Variants in DOCK4 observed in about 807,000 individuals in gnomAD.
DOCK4 encodes the protein dedicator of cytokinesis protein 4.
A neutral mutation model predicts 268.1 loss-of-function variants in DOCK4; 97 were observed. The observed-to-expected ratio is 0.36, with a 90% CI of 0.31 to 0.43. The LOEUF (loss-of-function observed/expected upper bound fraction) is 0.43. Among genes scored for constraint, DOCK4 ranks in the 20% least tolerant of loss-of-function variants. The pLI, the probability that DOCK4 is intolerant of heterozygous loss-of-function variation, is 1.00. For missense variants in DOCK4, 2,145 were observed against 2,455.7 expected, an observed-to-expected ratio of 0.87 and a Z score of 2.67; for synonymous variants, 954 against 887.2, an observed-to-expected ratio of 1.08 and a Z score of -1.34.
At chr7:111,910,886 T>C (rs966404403) in intron 13 of DOCK4, among the ~76,000 whole-genome samples, 2 of 152,194 alleles carry the variant, frequency 1.3e-5, no homozygotes, top group African/African-American at 2.4e-5. Context: ...TCATGATGAC[T>C]CAGAAGCATA....
At chr7:111,905,059 C>T (rs1791449054) in intron 13 of DOCK4, among the ~76,000 whole-genome samples, 1 of 152,156 alleles carries the variant, frequency 6.6e-6, no homozygotes, top group South Asian at 2.1e-4. Flanking sequence ...TCTCCATGTG[C>T]CTCTCCCCAG....
At chr7:112,154,713 G>A (rs890374066) in intron 1 of DOCK4, among the ~76,000 whole-genome samples, 5 of 152,288 alleles carry the variant, frequency 3.3e-5, no homozygotes, top group Middle Eastern at 3.4e-3. Context: ...TTGACAAAGG[G>A]AAGACACTTC....
At chr7:111,759,736 A>G (rs994674658) in intron 40 of DOCK4, among the ~76,000 whole-genome samples, 5 of 133,570 alleles carry the variant, frequency 3.7e-5, no homozygotes, top group African/African-American at 1.4e-4. Context: ...CCCAAAAGAT[A>G]CTGGAGTAGC....
chr7:112,127,896 G>A (rs1022626841), intron 1 of DOCK4, among the ~76,000 whole-genome samples: 1 of 152,102 alleles, frequency 6.6e-6, no homozygotes, highest in Non-Finnish European at 1.5e-5. Flanking sequence ...GGGCATGGTG[G>A]TGCACACCTG....
intron 13 of DOCK4, 78 bp from the exon 14 acceptor site, chr7:111,901,879 T>A (rs1791181965): frequency 9.0e-7 from 1 of 1,115,136 alleles, no homozygotes; most frequent in African/African-American, 1.6e-5. Flanking sequence ...AGAAAAACTT[T>A]AGTTTATACA....
At chr7:111,937,558 G>A (rs1169504690) in intron 11 of DOCK4, among the ~76,000 whole-genome samples, 28 of 152,076 alleles carry the variant, frequency 1.8e-4, no homozygotes, top group Non-Finnish European at 4.4e-5. Context: ...GGTGATGATG[G>A]GACTGTCTGT....
At chr7:111,766,511 A>C (rs1489876036) in intron 38 of DOCK4, among the ~76,000 whole-genome samples, 3 of 152,178 alleles carry the variant, frequency 2.0e-5, no homozygotes, top group Non-Finnish European at 4.4e-5. Flanking sequence ...AGCAGATATA[A>C]AACATTTGGT....
intron 12 of DOCK4, among the ~76,000 whole-genome samples, chr7:111,935,071 C>A (rs553257383): frequency 3.3e-5 from 5 of 151,280 alleles, no homozygotes. Flanking sequence ...CTCAACCTCC[C>A]GAGTAGCTGG....
chr7:111,834,423 A>T (rs1321865712), intron 26 of DOCK4, among the ~76,000 whole-genome samples, 165 bp downstream of exon 26: 2 of 152,200 alleles, frequency 1.3e-5, no homozygotes, highest in Non-Finnish European at 2.9e-5. Context: ...AAATCTTTAA[A>T]AGCCAATATA....
intron 1 of DOCK4, among the ~76,000 whole-genome samples, chr7:112,161,962 A>G (rs1464257149): frequency 6.6e-6 from 1 of 152,174 alleles, no homozygotes; most frequent in Non-Finnish European, 1.5e-5. Context: ...AGATCTTAAG[A>G]TTTGGAGGAT....
intron 15 of DOCK4, among the ~76,000 whole-genome samples, chr7:111,896,913 G>A (rs1389805189): frequency 6.6e-6 from 1 of 152,002 alleles, no homozygotes; most frequent in East Asian, 1.9e-4. Context: ...AGAGAAACTG[G>A]AAAAATAATT....
intron 11 of DOCK4, 34 bp from the exon 12 acceptor site, chr7:111,935,662 T>C (rs781534631): frequency 3.2e-6 from 5 of 1,563,664 alleles, no homozygotes; most frequent in Non-Finnish European, 3.5e-6. Context: ...TAAGCTTTAA[T>C]GATGCATGCA....
At chr7:111,878,468 A>G (rs949735002) in intron 16 of DOCK4, among the ~76,000 whole-genome samples, 5 of 152,218 alleles carry the variant, frequency 3.3e-5, no homozygotes, top group African/African-American at 1.2e-4. Context: ...TGCACAAAGA[A>G]AAGCACTATC....
chr7:112,061,943 C>CT (rs1469767623), intron 1 of DOCK4, among the ~76,000 whole-genome samples: 2 of 152,098 alleles, frequency 1.3e-5, no homozygotes, highest in South Asian at 2.1e-4. Context: ...CATTATCTCA[C>CT]TTTTTTTATA....
intron 12 of DOCK4, among the ~76,000 whole-genome samples, chr7:111,923,187 A>G (rs778524187): frequency 6.6e-6 from 1 of 152,232 alleles, no homozygotes; most frequent in Non-Finnish European, 1.5e-5. Context: ...GAAATAATTT[A>G]AAGTATATGA....
At chr7:111,859,675 C>T (rs113506310) in intron 23 of DOCK4, among the ~76,000 whole-genome samples, 4,039 of 147,380 alleles carry the variant, frequency 0.027, 192 homozygotes, top group African/African-American at 0.095. Flanking sequence ...TCACGCCATT[C>T]TCCTGCCTCA....
intron 22 of DOCK4, among the ~76,000 whole-genome samples, chr7:111,866,322 A>AT (rs1390985390): frequency 6.6e-6 from 1 of 152,184 alleles, no homozygotes; most frequent in Non-Finnish European, 1.5e-5. Flanking sequence ...TTTTATATGG[A>AT]TTTTTTCTTA....
chr7:112,192,536 C>T (rs567616359), intron 1 of DOCK4, among the ~76,000 whole-genome samples: 2 of 152,136 alleles, frequency 1.3e-5, no homozygotes, highest in African/African-American at 4.8e-5. Flanking sequence ...CATCCCAAGT[C>T]CTTATCTTCA....
intron 14 of DOCK4, 149 bp from the exon 15 acceptor site, chr7:111,900,685 G>T: frequency 2.5e-6 from 2 of 801,060 alleles, no homozygotes; most frequent in Non-Finnish European, 3.9e-6. Context: ...TTCTGTACTT[G>T]CTGCTGCTTA....
Sources: gnomAD v4.1 joint callset for allele counts (sites outside exome capture counted in the v4.1 genomes callset) on GRCh38, gnomAD v4.1.1 for gene constraint, MANE v1.5 for transcripts, NCBI Gene and HGNC (gene_info 2026-07-23, HGNC 2026-07-21) for gene names.